Variants in CTDSPL2 observed in about 807,000 individuals in gnomAD.
CTDSPL2 encodes CTD small phosphatase like 2.
CTDSPL2 carries 5 observed loss-of-function variants against 60.0 expected under a neutral mutation model. The ratio of observed to expected loss-of-function variants is 0.08; its 90% CI spans 0.04 to 0.18. The LOEUF is 0.18. CTDSPL2 is among the 10% of genes least tolerant of loss of function. The probability of loss-of-function intolerance (pLI) is 1.00; values close to 1 mark genes in which losing one functional copy is unlikely to be tolerated. For synonymous variants in CTDSPL2, 186 were observed against 189.3 expected, an observed-to-expected ratio of 0.98 and a Z score of 0.14; for missense variants, 370 against 548.8, an observed-to-expected ratio of 0.67 and a Z score of 3.26.
chr15:44,466,671 G>C (rs1161869592), intron 2 of CTDSPL2, among the ~76,000 whole-genome samples: 1 of 151,976 alleles, frequency 6.6e-6, no homozygotes, highest in Admixed American at 6.6e-5. Flanking sequence ...TTGGCCGGGC[G>C]CGGTGGCTCA....
chr15:44,522,951 G>GA (rs763391092), intron 12 of CTDSPL2, among the ~76,000 whole-genome samples: 2 of 152,096 alleles, frequency 1.3e-5, no homozygotes, highest in Non-Finnish European at 2.9e-5. Flanking sequence ...ATTGCTTGAT[G>GA]AAACTTTGGC....
At position 44,457,604 on chromosome 15, in the gene CTDSPL2, G is replaced by GC. The variant is rs1567070172; in HGVS notation, c.-24-1387_-24-1386insC. On this transcript the variant is annotated intron_variant, in intron 1 of 12. Coordinates refer to ENST00000260327, the MANE Select transcript of CTDSPL2 (RefSeq NM_016396.3). ...TGGTGTGGCACTTTTTTGGTTGGGG[G>GC]GGGTGGTGCGGGGTGGGAGAGGGTA... 8.6e-5 allele frequency among the ~76,000 whole-genome samples: 13 copies of GC among 152,000 alleles called. 1 individual carries two copies. In the South Asian group the frequency reaches 2.5e-3, roughly 29 times the overall value.
intron 10 of CTDSPL2, among the ~76,000 whole-genome samples, chr15:44,516,057 T>G (rs1211320045): frequency 6.6e-6 from 1 of 151,034 alleles, no homozygotes; most frequent in Non-Finnish European, 1.5e-5. Context: ...ATCTCTGCCT[T>G]CTGAGTTTAA....
rs2081839744 is a variant in CTDSPL2 at position 44,524,364 on chromosome 15, G to A, written c.*190G>A. 8.7e-6 allele frequency: 5 copies of A among 572,720 alleles called. No homozygotes were observed. Among genetic ancestry groups the A allele is most frequent in the Admixed American group, 3.1e-5 (1 of 32,180 alleles). The allele number at this position is 572,720 out of a possible 1,614,324, so 35.5% of individuals were successfully genotyped here. A position where few individuals can be genotyped will look rare whatever the true frequency, so the allele number is the denominator to read the frequency against. On this transcript the variant is annotated 3_prime_UTR_variant, in exon 13 of 13. Coordinates refer to ENST00000260327, the MANE Select transcript of CTDSPL2 (RefSeq NM_016396.3). ...ATCTATCTCAGATCGAATACATATA[G>A]TAGGTAGGCTAAAACAGAAGAGTCT...
intron 1 of CTDSPL2, among the ~76,000 whole-genome samples, chr15:44,438,746 G>C (rs766321042): frequency 2.0e-5 from 3 of 152,156 alleles, no homozygotes; most frequent in Non-Finnish European, 4.4e-5. Flanking sequence ...TTTAGAGGCA[G>C]TAGAGATTCA....
chr15:44,429,663 C>T (rs766316680), intron 1 of CTDSPL2, among the ~76,000 whole-genome samples: 8 of 152,064 alleles, frequency 5.3e-5, no homozygotes, highest in Non-Finnish European at 1.2e-4. Context: ...ATCAGGAGTT[C>T]GAGAACAGCC....
intron 5 of CTDSPL2, among the ~76,000 whole-genome samples, chr15:44,493,154 A>C (rs917306368): frequency 1.3e-5 from 2 of 152,146 alleles, no homozygotes; most frequent in African/African-American, 2.4e-5. Flanking sequence ...TGAAGAGCCA[A>C]ATATACAGAA....
chr15:44,482,442 A>G (rs560825803), intron 2 of CTDSPL2, among the ~76,000 whole-genome samples: 1 of 152,302 alleles, frequency 6.6e-6, no homozygotes, highest in Admixed American at 6.5e-5. Flanking sequence ...CAAGGTTTTC[A>G]TGAATGTATG....
intron 2 of CTDSPL2, among the ~76,000 whole-genome samples, chr15:44,461,168 G>T (rs1263219924): frequency 3.3e-5 from 5 of 152,106 alleles, no homozygotes; most frequent in Admixed American, 6.6e-5. Context: ...CAGAAGTGAA[G>T]ATAGGTTTTT....
intron 8 of CTDSPL2, among the ~76,000 whole-genome samples, chr15:44,511,168 T>C (rs540862985): frequency 6.6e-6 from 1 of 152,312 alleles, no homozygotes; most frequent in Admixed American, 6.5e-5. Context: ...TAGGAACTAT[T>C]ATTTTCAACA....
At chr15:44,446,660 C>G (rs973986175) in intron 1 of CTDSPL2, among the ~76,000 whole-genome samples, 1 of 149,166 alleles carries the variant, frequency 6.7e-6, no homozygotes, top group Admixed American at 6.7e-5. Context: ...AAACAAAAAA[C>G]CTTAGAGAAA....
chr15:44,459,326 G>A, intron 2 of CTDSPL2, 126 bp downstream of exon 2: 1 of 559,226 alleles, frequency 1.8e-6, no homozygotes. Flanking sequence ...AGGAGATCGA[G>A]ACCATCCTGG....
chr15:44,497,592 G>T (rs1460769933), intron 7 of CTDSPL2, among the ~76,000 whole-genome samples: 1 of 152,016 alleles, frequency 6.6e-6, no homozygotes, highest in Non-Finnish European at 1.5e-5. Context: ...AGATGGTCTC[G>T]ACCTCCTGAC....
intron 2 of CTDSPL2, among the ~76,000 whole-genome samples, chr15:44,472,115 A>G (rs527647601): frequency 1.2e-4 from 18 of 152,164 alleles, no homozygotes; most frequent in African/African-American, 4.3e-4. Context: ...GAACATTTGG[A>G]TTGTTTTCAT....
chr15:44,468,538 CT>C (rs2080741624), intron 2 of CTDSPL2, among the ~76,000 whole-genome samples: 1 of 152,084 alleles, frequency 6.6e-6, no homozygotes, highest in South Asian at 2.1e-4. Context: ...GTTTGATTTA[CT>C]TTTACTTTTG....
In CTDSPL2 at chr15:44,527,266, G is replaced by T. The variant is rs1567111026; in HGVS notation, c.*3092G>T. 1 of 151,854 alleles carries T rather than the reference G, an allele frequency of 6.6e-6. No homozygotes were observed. The allele number at this position is 151,854 out of a possible 1,614,324, so 9.4% of individuals were successfully genotyped here. A position where few individuals can be genotyped will look rare whatever the true frequency, so the allele number is the denominator to read the frequency against. ...TACATTGTTTTCTTGTATTTCTCTGGGTTGTTTTTTGTTTTTTTTTCCAAG... is the reference window on the plus strand; with the variant it reads ...TACATTGTTTTCTTGTATTTCTCTGTGTTGTTTTTTGTTTTTTTTTCCAAG... On this transcript the variant is annotated 3_prime_UTR_variant, in exon 13 of 13. Coordinates refer to ENST00000260327, the MANE Select transcript of CTDSPL2 (RefSeq NM_016396.3).
chr15:44,521,811 G>T (rs185223798), intron 12 of CTDSPL2, among the ~76,000 whole-genome samples: 2,674 of 150,994 alleles, frequency 0.018, 93 homozygotes, highest in East Asian at 0.13. Flanking sequence ...GGTAGCGGGC[G>T]CCTGTAGTCC....
intron 11 of CTDSPL2, chr15:44,520,477 T>C (rs551241429): frequency 2.6e-5 from 4 of 152,268 alleles, no homozygotes; most frequent in Admixed American, 2.0e-4. Context: ...TTAGATTTGC[T>C]TCACAATAAG....
chr15:44,442,010 A>C (rs2080098337), intron 1 of CTDSPL2, among the ~76,000 whole-genome samples: 1 of 152,080 alleles, frequency 6.6e-6, no homozygotes, highest in Non-Finnish European at 1.5e-5. Context: ...TTAGCGCTGG[A>C]TTGCTTTTTC....
Sources: gnomAD v4.1 joint callset for allele counts (sites outside exome capture counted in the v4.1 genomes callset) on GRCh38, gnomAD v4.1.1 for gene constraint, MANE v1.5 for transcripts, NCBI Gene and HGNC (gene_info 2026-07-23, HGNC 2026-07-21) for gene names.